SCRG1: variants seen among roughly 807,000 people sequenced by gnomAD.
SCRG1 encodes scrapie-responsive protein 1.
A neutral mutation model predicts 7.7 loss-of-function variants in SCRG1; 3 were observed. That is an observed-to-expected ratio of 0.39 (90% CI 0.18 to 1.01). SCRG1 has a LOEUF of 1.01. Among genes scored for constraint, SCRG1 ranks in the 50% least tolerant of loss-of-function variants. The probability of loss-of-function intolerance (pLI) is 0.36; values close to 1 mark genes in which losing one functional copy is unlikely to be tolerated. For missense variants in SCRG1, 110 were observed against 117.2 expected (o/e 0.94, Z 0.28); for synonymous variants, 46 against 41.2 (o/e 1.12, Z -0.44).
At chr4:173,473,918 G>T in the SCRG1 span, among the ~76,000 whole-genome samples, 1 of 152,180 alleles carries the variant, frequency 6.6e-6, no homozygotes, top group Admixed American at 6.5e-5. Flanking sequence ...GGTGGCTCAC[G>T]CCTGTAATCC....
At chr4:173,435,192 C>T in the SCRG1 span, among the ~76,000 whole-genome samples, 1 of 151,970 alleles carries the variant, frequency 6.6e-6, no homozygotes, top group Admixed American at 6.6e-5. Flanking sequence ...TCCACCACCA[C>T]TTAAAGTATG....
chr4:173,485,664 T>A, the SCRG1 span, among the ~76,000 whole-genome samples: 1 of 152,054 alleles, frequency 6.6e-6, no homozygotes, highest in African/African-American at 2.4e-5. Flanking sequence ...ACTACTGAAG[T>A]TGAATTAGAT....
the SCRG1 span, among the ~76,000 whole-genome samples, chr4:173,493,479 G>C: frequency 6.6e-6 from 1 of 152,062 alleles, no homozygotes; most frequent in Non-Finnish European, 1.5e-5. Context: ...CACCCTGGGT[G>C]TGGTGGCGCG....
chr4:173,443,786 C>T, the SCRG1 span, among the ~76,000 whole-genome samples: 2 of 152,112 alleles, frequency 1.3e-5, no homozygotes, highest in African/African-American at 4.8e-5. Context: ...CCACCTCAGC[C>T]TTCTGAATAC....
At chr4:173,410,788 T>C (rs1227766748), upstream of SCRG1, among the ~76,000 whole-genome samples, 2 of 152,188 alleles carry the variant, frequency 1.3e-5, no homozygotes, top group African/African-American at 2.4e-5. Flanking sequence ...AAAAAAACTA[T>C]ATATCTCAAG....
the SCRG1 span, among the ~76,000 whole-genome samples, chr4:173,415,758 A>G: frequency 1.3e-5 from 2 of 152,288 alleles, no homozygotes; most frequent in African/African-American, 4.8e-5. Context: ...TAAAACAAAC[A>G]TGATCTCTTC....
the SCRG1 span, among the ~76,000 whole-genome samples, chr4:173,420,690 C>T: frequency 1.3e-5 from 2 of 149,002 alleles, no homozygotes; most frequent in Non-Finnish European, 3.0e-5. Flanking sequence ...ATGACCTAGT[C>T]TTGGGAGCCA....
At chr4:173,391,744 A>G (rs889129831) in intron 1 of SCRG1, among the ~76,000 whole-genome samples, 2 of 152,228 alleles carry the variant, frequency 1.3e-5, no homozygotes, top group Admixed American at 1.3e-4. Context: ...TCTAAGCAAC[A>G]TAGTAAGACC....
At chr4:173,502,897 G>A in the SCRG1 span, among the ~76,000 whole-genome samples, 905 of 152,280 alleles carry the variant, frequency 5.9e-3, 8 homozygotes, top group Non-Finnish European at 8.8e-3. This position sits in a 1 kb window ranked among gnomAD's most constrained non-coding sequence, Gnocchi z 4.6. Context: ...GCATAATTAG[G>A]GTCTGATCAC....
chr4:173,484,393 C>CATTATATACATATAATATAT, the SCRG1 span, among the ~76,000 whole-genome samples: 10 of 26,522 alleles, frequency 3.8e-4, no homozygotes, highest in African/African-American at 1.5e-3. Context: ...ATATTTTATA[C>CATTATATACATATAATATAT]ATTATATATT....
chr4:173,442,638 A>C, the SCRG1 span, among the ~76,000 whole-genome samples: 1 of 152,170 alleles, frequency 6.6e-6, no homozygotes, highest in Non-Finnish European at 1.5e-5. Context: ...AGACTGAGTA[A>C]TTTGTAAAGA....
At chr4:173,488,946 G>T in the SCRG1 span, among the ~76,000 whole-genome samples, 1 of 152,180 alleles carries the variant, frequency 6.6e-6, no homozygotes, top group East Asian at 1.9e-4. Flanking sequence ...GAAAAAGAGT[G>T]CTTGACAAAA....
At chr4:173,485,003 A>ATAATATATAATATAT in the SCRG1 span, among the ~76,000 whole-genome samples, 2 of 2,854 alleles carry the variant, frequency 7.0e-4, no homozygotes, top group Non-Finnish European at 1.5e-3. Flanking sequence ...AATATATTAT[A>ATAATATATAATATAT]AATATAATAT....
the SCRG1 span, among the ~76,000 whole-genome samples, chr4:173,477,210 C>T: frequency 1.1e-4 from 16 of 152,112 alleles, no homozygotes; most frequent in African/African-American, 3.9e-4. Flanking sequence ...TCTCGTGTCT[C>T]ATATCTTACT....
the SCRG1 span, among the ~76,000 whole-genome samples, chr4:173,502,447 T>G: frequency 6.6e-6 from 1 of 152,206 alleles, no homozygotes; most frequent in Non-Finnish European, 1.5e-5. The surrounding 1 kb of genome is among the most constrained non-coding windows in gnomAD (Gnocchi z 4.6). Flanking sequence ...TTTTGGCAGC[T>G]GTTAGATAAC....
chr4:173,484,450 T>TATATTATATACATATAATATATA, the SCRG1 span, among the ~76,000 whole-genome samples: 1 of 22,604 alleles, frequency 4.4e-5, no homozygotes, highest in East Asian at 1.5e-3. Context: ...TGATATATAA[T>TATATTATATACATATAATATATA]ATATATTATA....
chr4:173,434,301 G>A, the SCRG1 span, among the ~76,000 whole-genome samples: 1 of 152,208 alleles, frequency 6.6e-6, no homozygotes, highest in Non-Finnish European at 1.5e-5. Context: ...GTGGTAAAAA[G>A]TAGAATTATT....
intron 2 of SCRG1, chr4:173,389,953 G>A (rs1739376574): frequency 3.9e-6 from 1 of 255,608 alleles, no homozygotes; most frequent in South Asian, 3.6e-5. Flanking sequence ...CATGGGATTT[G>A]AAAGATTCCT....
intron 1 of SCRG1, among the ~76,000 whole-genome samples, chr4:173,396,709 G>GTT (rs1451103984): frequency 5.3e-5 from 2 of 37,832 alleles, no homozygotes; most frequent in South Asian, 1.1e-3. Context: ...CCTACTGGTA[G>GTT]TTTTGTGTGT....
Sources: allele counts gnomAD v4.1 joint callset (sites outside exome capture counted in the v4.1 genomes callset), GRCh38; gene constraint gnomAD v4.1.1; non-coding constraint Gnocchi (gnomAD v3.1); transcripts MANE v1.5; gene names NCBI Gene and HGNC (gene_info 2026-07-23, HGNC 2026-07-21).